SFR1: variants seen among roughly 807,000 people sequenced by gnomAD.
The protein encoded by SFR1 is swi5-dependent recombination DNA repair protein 1 homolog.
SFR1 carries 24 observed loss-of-function variants against 26.2 expected under a neutral mutation model. The observed-to-expected ratio is 0.92, with a 90% CI of 0.66 to 1.29. SFR1 has a LOEUF of 1.29. SFR1 is among the 50% of genes most tolerant of loss of function. SFR1 has a pLI of 0.00. For synonymous variants in SFR1, 77 were observed against 96.6 expected (o/e 0.80, Z 1.19); for missense variants, 276 against 270.2 (o/e 1.02, Z -0.15).
chr10:104,121,457 G>A (rs2086959837), upstream of SFR1, among the ~76,000 whole-genome samples: 1 of 152,212 alleles, frequency 6.6e-6, no homozygotes, highest in Admixed American at 6.5e-5. Flanking sequence ...TGTTTGAAAT[G>A]TGGACCCCAA....
At chr10:104,124,282 A>C (rs1167248271) in intron 3 of SFR1, among the ~76,000 whole-genome samples, 158 bp downstream of exon 3, 3 of 152,162 alleles carry the variant, frequency 2.0e-5, no homozygotes, top group Non-Finnish European at 2.9e-5. Flanking sequence ...CCAGATTTAG[A>C]GTAGAAAAGG....
intron 1 of SFR1, 115 bp downstream of exon 1, chr10:104,122,311 C>G: frequency 7.1e-7 from 1 of 1,410,252 alleles, no homozygotes; most frequent in South Asian, 1.5e-5. Context: ...CACCTTATGC[C>G]TGGGGTCTCC....
chr10:104,123,185 T>A (rs2086986350), intron 2 of SFR1, 99 bp downstream of exon 2: 3 of 958,136 alleles, frequency 3.1e-6, no homozygotes, highest in Non-Finnish European at 4.7e-6. Flanking sequence ...ATTAACATAA[T>A]GTGTAGCATA....
intron 1 of SFR1, 62 bp from the exon 2 acceptor site, chr10:104,122,903 G>A (rs781151485): frequency 1.9e-6 from 3 of 1,593,950 alleles, no homozygotes; most frequent in Non-Finnish European, 2.6e-6. Flanking sequence ...TATATTATTT[G>A]ATAAAAGTCG....
intron 2 of SFR1, 175 bp downstream of exon 2, chr10:104,123,261 GC>G: frequency 3.8e-6 from 2 of 520,908 alleles, no homozygotes; most frequent in Non-Finnish European, 6.6e-6. Flanking sequence ...ACACCCACCA[GC>G]CCCCTTCCAT....
chr10:104,125,573 C>T lies in SFR1; in HGVS notation c.607C>T (p.Leu203Phe), dbSNP rs2087017248. Reference protein sequence around the residue: ...KKWRSCSQLLLYELQSAVSEE... With the variant: ...KKWRSCSQLLFYELQSAVSEE... ...GTGGAGAAGCTGTAGCCAGCTCTTGCTTTATGAGTTGCAGTCAGCTGTGTC... is the reference window on the plus strand; with the variant it reads ...GTGGAGAAGCTGTAGCCAGCTCTTGTTTTATGAGTTGCAGTCAGCTGTGTC... The change falls in exon 4 of 4, where the codon CTT (leucine) becomes TTT (phenylalanine). Residue 203 changes from leucine (L) to phenylalanine (F), a missense_variant. Physicochemically the swap from Leu to Phe is conservative, Grantham distance 22 (BLOSUM62 0). Transcript: ENST00000369727. 6.2e-7 allele frequency: 1 copy of T among 1,613,596 alleles called. No homozygotes were observed. Among genetic ancestry groups the T allele is most frequent in the African/African-American group, 1.3e-5 (1 of 74,870 alleles).
chr10:104,124,790 A>G (rs2087007908), intron 3 of SFR1, among the ~76,000 whole-genome samples: 1 of 151,996 alleles, frequency 6.6e-6, no homozygotes, highest in Admixed American at 6.6e-5. Context: ...GAAAAAATAT[A>G]TTTTATTTAT....
upstream of SFR1, among the ~76,000 whole-genome samples, chr10:104,120,243 T>C (rs2134695713): frequency 6.6e-6 from 1 of 152,344 alleles, no homozygotes; most frequent in Middle Eastern, 3.4e-3. Flanking sequence ...TTCTGCTTTT[T>C]CTTTGAGATT....
In SFR1 at chr10:104,125,364, AT is replaced by A. The variant is rs555443062; in HGVS notation, c.547-148del. ...GAGTGACATTGTAACCATTCTACATATGACCATCCTACTTTTTCCTAGATAG... is the reference window on the plus strand; with the variant it reads ...GAGTGACATTGTAACCATTCTACATAGACCATCCTACTTTTTCCTAGATAG... On this transcript the variant is annotated intron_variant, in intron 3 of 3. Transcript: ENST00000369727. 2.4e-4 allele frequency: 148 copies of A among 614,168 alleles called. No homozygotes were observed. The East Asian group carries it at 4.0e-3, about 17-fold the overall frequency. The allele number at this position is 614,168 out of a possible 1,614,324, so 38.0% of individuals were successfully genotyped here.
upstream of SFR1, among the ~76,000 whole-genome samples, chr10:104,121,891 G>C (rs1189074612): frequency 6.6e-6 from 1 of 152,128 alleles, no homozygotes; most frequent in African/African-American, 2.4e-5. Flanking sequence ...GCGGCCGCGC[G>C]CGCGCGCACT....
chr10:104,123,584 T>C lies in SFR1; in HGVS notation c.136-130T>C, dbSNP rs1589592772. 3 of 616,494 alleles carry C rather than the reference T, an allele frequency of 4.9e-6. No homozygotes were observed. The East Asian group carries it at 9.4e-5, about 19-fold the overall frequency. The allele number at this position is 616,494 out of a possible 1,614,324, so 38.2% of individuals were successfully genotyped here. A position where few individuals can be genotyped will look rare whatever the true frequency, so the allele number is the denominator to read the frequency against. ...TTAAAGTCATTTTGTGATGCCTTCT[T>C]TAGATGTGGAGACAGAAAGCCATCT... On this transcript the variant is annotated intron_variant, in intron 2 of 3. Coordinates refer to ENST00000369727, the MANE Select transcript of SFR1 (RefSeq NM_001002759.2).
At chr10:104,121,873 T>G (rs561542793), upstream of SFR1, among the ~76,000 whole-genome samples, 2 of 152,168 alleles carry the variant, frequency 1.3e-5, no homozygotes. Context: ...GAAGACCTGC[T>G]GCGGATCGCG....
At chr10:104,121,825 A>C (rs897200483), upstream of SFR1, among the ~76,000 whole-genome samples, 8 of 152,162 alleles carry the variant, frequency 5.3e-5, no homozygotes, top group African/African-American at 1.7e-4. Context: ...CCCCCTCAGG[A>C]TTGGTTTAAC....
chr10:104,121,885 C>T (rs1432326245), upstream of SFR1, among the ~76,000 whole-genome samples: 2 of 151,914 alleles, frequency 1.3e-5, no homozygotes, highest in Non-Finnish European at 2.9e-5. Context: ...CGGATCGCGG[C>T]CGCGCGCGCG....
At chr10:104,121,025 TTC>T (rs1376738707), upstream of SFR1, among the ~76,000 whole-genome samples, 1 of 152,018 alleles carries the variant, frequency 6.6e-6, no homozygotes, top group African/African-American at 2.4e-5. Flanking sequence ...ACTCAACTCT[TTC>T]ACTAAACCCA....
rs1202694381 is a variant in SFR1, at chr10:104,125,954, C to G, written c.*250C>G. On this transcript the variant is annotated 3_prime_UTR_variant, in exon 4 of 4. Transcript: ENST00000369727. Reference sequence around the variant, plus strand: ...CTAATTTTTGCATTTTTAGTAGAGACTGGGTTTCACCACGTTGGCCAGGCT... The same window carrying G: ...CTAATTTTTGCATTTTTAGTAGAGAGTGGGTTTCACCACGTTGGCCAGGCT... 1 of 276,718 alleles carries G rather than the reference C, an allele frequency of 3.6e-6. No individual in the cohort carries two copies. The highest frequency in any genetic ancestry group is 7.0e-6 in the Non-Finnish European group (1 of 143,500). 17.1% of individuals were successfully genotyped at this position (276,718 alleles called of 1,614,324 possible). A position where few individuals can be genotyped will look rare whatever the true frequency, so the allele number is the denominator to read the frequency against.
chr10:104,123,019 T>G lies in SFR1; in HGVS notation c.68T>G (p.Val23Gly). 1 of 1,613,824 alleles carries G rather than the reference T, an allele frequency of 6.2e-7. No individual in the cohort carries two copies. Among genetic ancestry groups the G allele is most frequent in the Non-Finnish European group, 8.5e-7 (1 of 1,179,938 alleles). ...GAAAGTCCGTCAGACTCAGCTGTGG[T>G]TTTACCTAGCACTCCTCAGGCCTCT... Reference protein sequence around the residue: ...KMESPSDSAVVLPSTPQASAN... With the variant: ...KMESPSDSAVGLPSTPQASAN... The change falls in exon 2 of 4, where the codon GTT (valine) becomes GGT (glycine). Residue 23 changes from valine (V) to glycine (G), a missense_variant. Physicochemically the swap from Val to Gly is moderately radical, Grantham distance 109 (BLOSUM62 -3). Coordinates refer to ENST00000369727, the MANE Select transcript of SFR1 (RefSeq NM_001002759.2).
rs1179927495 is a variant in SFR1 at position 104,123,961 on chromosome 10, A to C, written c.383A>C (p.Gln128Pro). 1 of 1,613,846 alleles carries C rather than the reference A, an allele frequency of 6.2e-7. No homozygotes were observed. Among genetic ancestry groups the C allele is most frequent in the East Asian group, 2.2e-5 (1 of 44,832 alleles). The change falls in exon 3 of 4, where the codon CAG (glutamine) becomes CCG (proline). Residue 128 changes from glutamine (Q) to proline (P), a missense_variant. By Grantham distance (76) the Gln-to-Pro change is moderately conservative. Transcript: ENST00000369727. Reference protein sequence around the residue: ...TLKNLNVCESQSLDSGSCSAL... With the variant: ...TLKNLNVCESPSLDSGSCSAL... ...AAGAATCTCAATGTCTGTGAATCTC[A>C]GTCACTTGATTCTGGATCATGCAGT...
rs976414976 is a variant in SFR1 at position 104,122,787 on chromosome 10, A to T, written c.14-178A>T. ...TATCATGAAAAACTTAGTGGTCCCT[A>T]TGTGGGAAGGTAAATGGAAAACTGC... is the stretch of plus-strand genomic sequence containing the variant. On this transcript the variant is annotated intron_variant, in intron 1 of 3. Coordinates refer to ENST00000369727, the MANE Select transcript of SFR1 (RefSeq NM_001002759.2). The T allele has an allele frequency of 2.0e-6, 3 of 1,516,950 alleles. No homozygotes were observed. In the Admixed American group the frequency reaches 6.2e-5, roughly 31 times the overall value. 94.0% of individuals were successfully genotyped at this position (1,516,950 alleles called of 1,614,324 possible). A position where few individuals can be genotyped will look rare whatever the true frequency, so the allele number is the denominator to read the frequency against.
Sources: allele counts gnomAD v4.1 joint callset (sites outside exome capture counted in the v4.1 genomes callset), GRCh38; gene constraint gnomAD v4.1.1; transcripts MANE v1.5; gene names NCBI Gene and HGNC (gene_info 2026-07-23, HGNC 2026-07-21).